DYNC2H1: variants seen among roughly 807,000 people sequenced by gnomAD.
DYNC2H1 encodes dynein cytoplasmic 2 heavy chain 1, also known as cytoplasmic dynein 2 heavy chain 1.
A neutral mutation model predicts 570.0 loss-of-function variants in DYNC2H1; 410 were observed. The ratio of observed to expected loss-of-function variants is 0.72; its 90% CI spans 0.66 to 0.78. DYNC2H1 has a LOEUF of 0.78. Among genes scored for constraint, DYNC2H1 ranks in the 30% least tolerant of loss-of-function variants. DYNC2H1 has a pLI of 0.00. For missense variants in DYNC2H1, 4,865 were observed against 5,046.4 expected, an observed-to-expected ratio of 0.96 and a Z score of 1.09; for synonymous variants, 1,688 against 1,677.6, an observed-to-expected ratio of 1.01 and a Z score of -0.15.
At chr11:103,435,367 C>T (rs1337182611) in intron 84 of DYNC2H1, among the ~76,000 whole-genome samples, 1 of 152,112 alleles carries the variant, frequency 6.6e-6, no homozygotes, top group African/African-American at 2.4e-5. Flanking sequence ...ATGAACATGA[C>T]CTTACAAGAA....
At chr11:103,302,205 G>A (rs1337223404) in intron 75 of DYNC2H1, among the ~76,000 whole-genome samples, 1 of 152,008 alleles carries the variant, frequency 6.6e-6, no homozygotes, top group East Asian at 1.9e-4. Flanking sequence ...GCAGCTGGGT[G>A]CCCTTTGGCA....
chr11:103,114,384 G>C (rs1392272440), intron 3 of DYNC2H1, 146 bp downstream of exon 3: 1 of 971,052 alleles, frequency 1.0e-6, no homozygotes, highest in Non-Finnish European at 1.4e-6. Context: ...AGATTTATGT[G>C]GATGTAGAGA....
chr11:103,455,385 A>G, intron 86 of DYNC2H1, 90 bp downstream of exon 86: 3 of 958,066 alleles, frequency 3.1e-6, no homozygotes. Context: ...TTGATTGTCA[A>G]GAAATAAATT....
intron 18 of DYNC2H1, among the ~76,000 whole-genome samples, chr11:103,146,097 A>G (rs1017869205): frequency 6.6e-6 from 1 of 152,224 alleles, no homozygotes; most frequent in Non-Finnish European, 1.5e-5. Context: ...TGGCTGTTAT[A>G]TATAGCTTTT....
chr11:103,328,846 G>A (rs757190146), intron 82 of DYNC2H1, among the ~76,000 whole-genome samples: 11 of 152,102 alleles, frequency 7.2e-5, no homozygotes, highest in Non-Finnish European at 1.5e-4. Context: ...TATAATTACC[G>A]TAGGGATGTT....
At chr11:103,474,712 T>C (rs1773459689) in intron 88 of DYNC2H1, among the ~76,000 whole-genome samples, 1 of 151,956 alleles carries the variant, frequency 6.6e-6, no homozygotes, top group South Asian at 2.1e-4. Flanking sequence ...TATTATTATT[T>C]ATGTTAATAT....
chr11:103,355,790 C>T (rs768985190), intron 82 of DYNC2H1, among the ~76,000 whole-genome samples: 1 of 152,178 alleles, frequency 6.6e-6, no homozygotes, highest in Non-Finnish European at 1.5e-5. Context: ...TAGCACACTG[C>T]AGCTTGGAAT....
At chr11:103,141,692 CG>C (rs1859944110) in intron 17 of DYNC2H1, among the ~76,000 whole-genome samples, 2 of 152,314 alleles carry the variant, frequency 1.3e-5, no homozygotes, top group East Asian at 3.9e-4. Context: ...GCAGTCTGCC[CG>C]TTCTCAGATC....
intron 82 of DYNC2H1, among the ~76,000 whole-genome samples, chr11:103,328,269 T>G (rs1007547744): frequency 1.3e-5 from 2 of 152,226 alleles, no homozygotes; most frequent in Non-Finnish European, 2.9e-5. Flanking sequence ...CTTGAGTACT[T>G]ATTTTTTAAT....
chr11:103,343,497 A>G (rs74799303), intron 82 of DYNC2H1, among the ~76,000 whole-genome samples: 32,837 of 151,984 alleles, frequency 0.22, 3,678 homozygotes, highest in Admixed American at 0.31. Flanking sequence ...CCAAAGCCCC[A>G]TCGGGGGTGG....
chr11:103,478,397 C>A (rs1945634843), intron 88 of DYNC2H1, among the ~76,000 whole-genome samples: 1 of 152,094 alleles, frequency 6.6e-6, no homozygotes, highest in Admixed American at 6.5e-5. Flanking sequence ...AAGTGATTAT[C>A]AGTGGCCTCT....
chr11:103,353,317 T>C (rs1357145789), intron 82 of DYNC2H1, among the ~76,000 whole-genome samples: 1 of 152,170 alleles, frequency 6.6e-6, no homozygotes, highest in East Asian at 1.9e-4. Flanking sequence ...CAAAAAATGA[T>C]TGTCTGTTCT....
At chr11:103,223,500 G>A (rs1355454972) in intron 59 of DYNC2H1, among the ~76,000 whole-genome samples, 1 of 152,110 alleles carries the variant, frequency 6.6e-6, no homozygotes, top group East Asian at 1.9e-4. Flanking sequence ...CGATTCTCCT[G>A]TCTCAGCCTC....
chr11:103,279,430 C>T lies in DYNC2H1; in HGVS notation c.10696-918C>T, dbSNP rs554278170. The stretch of plus-strand genomic sequence containing the variant: ...ACTACCGGCAGTGGAATGTATGCGG[C>T]GTATTATTGAATTCACTTCCTACAT... On this transcript the variant is annotated intron_variant, in intron 70 of 88. Transcript: ENST00000375735. 1.3e-3 allele frequency among the ~76,000 whole-genome samples: 204 copies of T among 152,218 alleles called. 2 individuals carry two copies. Among genetic ancestry groups the T allele is most frequent in the African/African-American group, 4.6e-3 (193 of 41,548 alleles).
intron 55 of DYNC2H1, among the ~76,000 whole-genome samples, chr11:103,216,364 C>T (rs1020890574): frequency 1.3e-5 from 2 of 151,938 alleles, no homozygotes; most frequent in Admixed American, 1.3e-4. Flanking sequence ...CCTTCTTTGC[C>T]CCAGTATTTT....
chr11:103,152,117 T>TC lies in DYNC2H1; in HGVS notation c.2947-19_2947-18insC. On this transcript the variant is annotated intron_variant, in intron 20 of 88. Transcript: ENST00000375735. The stretch of plus-strand genomic sequence containing the variant: ...AAATAGGTTGTTATTCAATTTGTTT[T>TC]TTTTTTTTTAACCTTTAGATTTTGC... 1 of 1,572,046 alleles carries TC rather than the reference T, an allele frequency of 6.4e-7. No homozygotes were observed. The highest frequency in any genetic ancestry group is 8.6e-7 in the Non-Finnish European group (1 of 1,160,184).
chr11:103,292,436 C>T (rs1188773258), intron 75 of DYNC2H1, among the ~76,000 whole-genome samples: 1 of 152,130 alleles, frequency 6.6e-6, no homozygotes, highest in Non-Finnish European at 1.5e-5. Context: ...TTTTTGGTCT[C>T]AATTTATATC....
chr11:103,332,060 T>G (rs1296849231), intron 82 of DYNC2H1, among the ~76,000 whole-genome samples: 2 of 146,024 alleles, frequency 1.4e-5, no homozygotes, highest in African/African-American at 5.2e-5. Flanking sequence ...AAAGCGAGAC[T>G]CCATCTCAAA....
At chr11:103,467,299 A>G (rs1179982159) in intron 87 of DYNC2H1, among the ~76,000 whole-genome samples, 2 of 152,182 alleles carry the variant, frequency 1.3e-5, no homozygotes, top group Non-Finnish European at 2.9e-5. Context: ...CTAACAACAA[A>G]GTTACTTATC....
Sources: gnomAD v4.1 joint callset for allele counts (sites outside exome capture counted in the v4.1 genomes callset) on GRCh38, gnomAD v4.1.1 for gene constraint, MANE v1.5 for transcripts, NCBI Gene and HGNC (gene_info 2026-07-23, HGNC 2026-07-21) for gene names.